MEI4: variants seen among roughly 807,000 people sequenced by gnomAD.
The protein encoded by MEI4 is meiotic double-stranded break formation protein 4, also known as meiosis-specific protein MEI4.
In MEI4, 27 loss-of-function variants were observed where a neutral mutation model predicts 31.4. The observed-to-expected ratio is 0.86, with a 90% CI of 0.63 to 1.19. The LOEUF (loss-of-function observed/expected upper bound fraction) is 1.19, where lower values mean the gene tolerates loss of function less well. Among genes scored for constraint, MEI4 ranks in the 50% most tolerant of loss-of-function variants. The probability of loss-of-function intolerance (pLI) is 0.00; values close to 1 mark genes in which losing one functional copy is unlikely to be tolerated. For missense variants in MEI4, 329 were observed against 398.9 expected, an observed-to-expected ratio of 0.82 and a Z score of 1.49; for synonymous variants, 122 against 145.4, an observed-to-expected ratio of 0.84 and a Z score of 1.16.
chr6:77,860,812 T>G (rs1290643937), intron 4 of MEI4, among the ~76,000 whole-genome samples: 2 of 152,158 alleles, frequency 1.3e-5, no homozygotes, highest in Non-Finnish European at 2.9e-5. Context: ...TCACTGAAAT[T>G]GCCTCTCCAA....
chr6:77,758,594 T>C (rs1767968814), intron 2 of MEI4, among the ~76,000 whole-genome samples: 1 of 152,208 alleles, frequency 6.6e-6, no homozygotes, highest in South Asian at 2.1e-4. Context: ...TAATTTCCTG[T>C]ATGCCAATAG....
chr6:77,731,087 T>C (rs1291487115), intron 2 of MEI4, among the ~76,000 whole-genome samples: 1 of 151,942 alleles, frequency 6.6e-6, no homozygotes, highest in East Asian at 1.9e-4. Flanking sequence ...TCAATAAACA[T>C]ATGTGTGCAT....
chr6:77,803,488 C>T (rs1769334538), intron 3 of MEI4, among the ~76,000 whole-genome samples: 1 of 152,220 alleles, frequency 6.6e-6, no homozygotes, highest in Admixed American at 6.5e-5. Flanking sequence ...AGTCATTCTC[C>T]ATCCAGCTTT....
intron 2 of MEI4, among the ~76,000 whole-genome samples, chr6:77,735,893 G>A (rs896833828): frequency 1.3e-5 from 2 of 151,574 alleles, no homozygotes; most frequent in East Asian, 1.9e-4. Flanking sequence ...GTACCCGGCC[G>A]TGTGAGGTGT....
chr6:77,910,822 T>C (rs1766417608), intron 4 of MEI4, among the ~76,000 whole-genome samples: 1 of 152,058 alleles, frequency 6.6e-6, no homozygotes, highest in Non-Finnish European at 1.5e-5. Context: ...TATTTTTTGT[T>C]TTTTTGAGAA....
intron 2 of MEI4, among the ~76,000 whole-genome samples, chr6:77,709,672 A>G (rs1274690685): frequency 6.6e-6 from 1 of 152,176 alleles, no homozygotes; most frequent in Admixed American, 6.5e-5. Flanking sequence ...ATATTCTAAT[A>G]AAAAATACCT....
intron 2 of MEI4, among the ~76,000 whole-genome samples, chr6:77,746,322 G>A (rs966885818): frequency 1.3e-5 from 2 of 152,200 alleles, no homozygotes; most frequent in Admixed American, 1.3e-4. Flanking sequence ...CTGGTAGGCT[G>A]AGTAAAGCAG....
At chr6:77,767,121 C>T (rs555792149) in intron 3 of MEI4, among the ~76,000 whole-genome samples, 1 of 152,264 alleles carries the variant, frequency 6.6e-6, no homozygotes, top group Non-Finnish European at 1.5e-5. Flanking sequence ...GTGGCTCACA[C>T]CTGTAATCCC....
chr6:77,802,400 C>G (rs1769290405), intron 3 of MEI4, among the ~76,000 whole-genome samples: 1 of 152,164 alleles, frequency 6.6e-6, no homozygotes, highest in South Asian at 2.1e-4. Context: ...ATACATCACA[C>G]TAATGGGTCT....
chr6:77,731,981 A>G (rs1186482771), intron 2 of MEI4, among the ~76,000 whole-genome samples: 2 of 147,008 alleles, frequency 1.4e-5, no homozygotes, highest in African/African-American at 2.6e-5. Context: ...TGTTCCATTG[A>G]TCTATATCTC....
intron 1 of MEI4, among the ~76,000 whole-genome samples, chr6:77,656,783 A>T (rs910996412): frequency 6.6e-6 from 1 of 152,158 alleles, no homozygotes; most frequent in Non-Finnish European, 1.5e-5. Flanking sequence ...TTCCATTCTT[A>T]TAAAGATTAT....
intron 4 of MEI4, among the ~76,000 whole-genome samples, chr6:77,842,176 A>G (rs1027446906): frequency 6.6e-6 from 1 of 152,166 alleles, no homozygotes; most frequent in Non-Finnish European, 1.5e-5. Flanking sequence ...ACCACGAAAC[A>G]AACTTTAACA....
intron 1 of MEI4, among the ~76,000 whole-genome samples, chr6:77,688,233 T>A (rs1357910457): frequency 6.6e-6 from 1 of 152,142 alleles, no homozygotes; most frequent in African/African-American, 2.4e-5. Context: ...CATACATTTA[T>A]AAACACACAC....
chr6:77,798,692 T>A (rs1007605875), intron 3 of MEI4, among the ~76,000 whole-genome samples: 2 of 138,338 alleles, frequency 1.4e-5, no homozygotes, highest in Non-Finnish European at 3.0e-5. Context: ...CCTTCCTGTG[T>A]CCATGTGTTC....
At chr6:77,774,415 G>A (rs6454006) in intron 3 of MEI4, among the ~76,000 whole-genome samples, 127,308 of 152,130 alleles carry the variant, frequency 0.84, 53,852 homozygotes, top group African/African-American at 0.96. Flanking sequence ...TGAGGCCCAG[G>A]AAGACAAACT....
intron 3 of MEI4, among the ~76,000 whole-genome samples, chr6:77,802,358 G>A (rs1434401634): frequency 6.6e-6 from 1 of 152,108 alleles, no homozygotes; most frequent in East Asian, 1.9e-4. Context: ...TTGAGCCTAT[G>A]TGTGTCTCTG....
intron 4 of MEI4, among the ~76,000 whole-genome samples, chr6:77,861,345 A>T (rs1014473577): frequency 4.6e-5 from 7 of 152,064 alleles, no homozygotes; most frequent in African/African-American, 1.7e-4. Flanking sequence ...TTGTCTATAA[A>T]ATTGTCTAGG....
chr6:77,737,377 C>T (rs1443912541), intron 2 of MEI4, among the ~76,000 whole-genome samples: 1 of 152,022 alleles, frequency 6.6e-6, no homozygotes, highest in Admixed American at 6.6e-5. Flanking sequence ...AAAAGAGGTG[C>T]TGGTATTTTT....
intron 4 of MEI4, among the ~76,000 whole-genome samples, chr6:77,849,560 C>T (rs774717871): frequency 3.9e-5 from 6 of 152,064 alleles, no homozygotes; most frequent in East Asian, 1.9e-4. Flanking sequence ...TTTATATAAG[C>T]GTTAGTTTCT....
Sources: allele counts gnomAD v4.1 joint callset (sites outside exome capture counted in the v4.1 genomes callset), GRCh38; gene constraint gnomAD v4.1.1; transcripts MANE v1.5; gene names NCBI Gene and HGNC (gene_info 2026-07-23, HGNC 2026-07-21).